Variants in INTS9 observed in about 807,000 individuals in gnomAD.
The protein encoded by INTS9 is protein related to CPSF subunits of 74 kDa.
In INTS9, 55 loss-of-function variants were observed where a neutral mutation model predicts 79.7. That is an observed-to-expected ratio of 0.69 (90% CI 0.56 to 0.86). The LOEUF is 0.86. INTS9 is among the 40% of genes least tolerant of loss of function. The probability of loss-of-function intolerance (pLI) is 0.00; values close to 1 mark genes in which losing one functional copy is unlikely to be tolerated. For synonymous variants in INTS9, 319 were observed against 325.2 expected (o/e 0.98, Z 0.20); for missense variants, 721 against 831.5 (o/e 0.87, Z 1.64).
At chr8:28,795,639 CAAAAAAAAAA>C (rs56910832) in intron 9 of INTS9, among the ~76,000 whole-genome samples, 1 of 70,806 alleles carries the variant, frequency 1.4e-5, no homozygotes, top group Non-Finnish European at 2.5e-5. Context: ...GACTCCGTCT[CAAAAAAAAAA>C]AAAAAAAAAA....
chr8:28,788,599 A>G (rs1483823151), intron 10 of INTS9, among the ~76,000 whole-genome samples: 5 of 152,138 alleles, frequency 3.3e-5, no homozygotes, highest in Non-Finnish European at 4.4e-5. Context: ...TTGTATTTTT[A>G]GTAGAGACGG....
intron 14 of INTS9, 61 bp from the exon 15 acceptor site, chr8:28,771,141 T>A (rs1193646003): frequency 8.7e-7 from 1 of 1,152,144 alleles, no homozygotes; most frequent in Non-Finnish European, 1.3e-6. Context: ...ACTCTTCCTT[T>A]AATCTGTATT....
intron 8 of INTS9, among the ~76,000 whole-genome samples, chr8:28,806,230 A>C (rs186292441): frequency 6.6e-6 from 1 of 152,284 alleles, no homozygotes; most frequent in Admixed American, 6.5e-5. Flanking sequence ...ACCTTGTCTC[A>C]AAAAAACAAA....
intron 10 of INTS9, among the ~76,000 whole-genome samples, chr8:28,788,684 G>A (rs1585354974): frequency 6.6e-6 from 1 of 152,194 alleles, no homozygotes; most frequent in Non-Finnish European, 1.5e-5. Flanking sequence ...CTCCCAAAGT[G>A]CTGAGATTAC....
At chr8:28,828,815 C>T (rs1427447237) in intron 6 of INTS9, among the ~76,000 whole-genome samples, 1 of 152,050 alleles carries the variant, frequency 6.6e-6, no homozygotes, top group Non-Finnish European at 1.5e-5. Flanking sequence ...TCTCCTGCCT[C>T]AGCTCCCACG....
chr8:28,846,993 AG>A (rs1286874992), intron 3 of INTS9, among the ~76,000 whole-genome samples, 184 bp from the exon 4 acceptor site: 23 of 152,322 alleles, frequency 1.5e-4, no homozygotes, highest in African/African-American at 5.5e-4. Flanking sequence ...TGTCTTATTA[AG>A]GGTAAAATGC....
At chr8:28,778,299 T>C (rs984614008) in intron 12 of INTS9, among the ~76,000 whole-genome samples, 7 of 152,230 alleles carry the variant, frequency 4.6e-5, no homozygotes, top group African/African-American at 1.4e-4. Flanking sequence ...TCATCACTTA[T>C]TCAGATGAAA....
At chr8:28,809,458 G>A (rs1466342304) in intron 8 of INTS9, among the ~76,000 whole-genome samples, 2 of 152,082 alleles carry the variant, frequency 1.3e-5, no homozygotes, top group African/African-American at 2.4e-5. Flanking sequence ...CCAATTACGT[G>A]GGTAGAGAAA....
intron 13 of INTS9, among the ~76,000 whole-genome samples, chr8:28,777,225 A>G (rs920078918): frequency 1.3e-5 from 2 of 152,100 alleles, no homozygotes; most frequent in South Asian, 4.1e-4. Flanking sequence ...CGCCGGTGTC[A>G]GCTGTCCTCC....
chr8:28,850,982 T>C (rs1053232598), intron 2 of INTS9, among the ~76,000 whole-genome samples: 2 of 152,244 alleles, frequency 1.3e-5, no homozygotes, highest in African/African-American at 4.8e-5. Context: ...TTTAACTGTG[T>C]TCTACTAGTT....
chr8:28,843,791 T>A (rs1343370514), intron 4 of INTS9, among the ~76,000 whole-genome samples: 2 of 152,100 alleles, frequency 1.3e-5, no homozygotes, highest in African/African-American at 2.4e-5. Flanking sequence ...TGGATTCATT[T>A]GTCTTGAAAT....
At chr8:28,826,157 ATTT>A (rs896495611) in intron 6 of INTS9, among the ~76,000 whole-genome samples, 2 of 152,170 alleles carry the variant, frequency 1.3e-5, no homozygotes, top group Admixed American at 6.5e-5. Context: ...TTTGTTTTGT[ATTT>A]TATTAATACC....
chr8:28,860,765 A>G (rs568163852), intron 1 of INTS9, among the ~76,000 whole-genome samples: 1 of 152,342 alleles, frequency 6.6e-6, no homozygotes, highest in Non-Finnish European at 1.5e-5. Context: ...TATAGGCGTG[A>G]GCCATGGCGC....
intron 6 of INTS9, among the ~76,000 whole-genome samples, chr8:28,826,119 TAGA>T (rs1806126412): frequency 6.6e-6 from 1 of 152,250 alleles, no homozygotes; most frequent in African/African-American, 2.4e-5. Flanking sequence ...ACACTGTATT[TAGA>T]AGAACAGTCT....
In INTS9 at chr8:28,837,730, T is replaced by A; in HGVS notation, c.308A>T (p.Asn103Ile). Residue 103 changes from asparagine to isoleucine, a missense_variant, in exon 5 of 17, where the codon AAC becomes ATC. By Grantham distance (149) the Asn-to-Ile change is moderately radical (BLOSUM62 -3). Around this residue, in one of 3 missense-constraint regions of INTS9, gnomAD observed 291 missense variants for 307.0 expected, o/e 0.95. Coordinates refer to ENST00000521022, the MANE Select transcript of INTS9 (RefSeq NM_018250.4). ...LSTVDVILIS[N>I]YHCMMALPYI... The stretch of plus-strand genomic sequence containing the variant: ...TGGCAGCGCCATCATACAGTGATAG[T>A]TAGAGATGAGAATCACATCTACTGT... 3 of 1,613,972 alleles carry A rather than the reference T, an allele frequency of 1.9e-6. No homozygotes were observed. Among genetic ancestry groups the A allele is most frequent in the Non-Finnish European group, 1.7e-6 (2 of 1,179,886 alleles).
At chr8:28,770,561 C>G (rs1000287588) in intron 15 of INTS9, among the ~76,000 whole-genome samples, 5 of 152,368 alleles carry the variant, frequency 3.3e-5, no homozygotes, top group African/African-American at 1.2e-4. Flanking sequence ...CTACATGTGG[C>G]ATAAAGGTGA....
intron 7 of INTS9, 150 bp downstream of exon 7, chr8:28,813,342 T>A: frequency 1.3e-6 from 1 of 767,798 alleles, no homozygotes; most frequent in East Asian, 2.6e-5. Flanking sequence ...ACCAATAAAA[T>A]CCTGCGCGGA....
At chr8:28,867,937 G>A (rs1206386907) in intron 1 of INTS9, among the ~76,000 whole-genome samples, 1 of 152,110 alleles carries the variant, frequency 6.6e-6, no homozygotes, top group Non-Finnish European at 1.5e-5. Context: ...AAAAAAATGA[G>A]GCATAGGAAG....
intron 6 of INTS9, among the ~76,000 whole-genome samples, chr8:28,818,590 C>G (rs1465857090): frequency 2.0e-5 from 3 of 151,570 alleles, no homozygotes; most frequent in Admixed American, 1.3e-4. Context: ...CAATGTTCAT[C>G]AAGGATATTG....
Sources: gnomAD v4.1 joint callset for allele counts (sites outside exome capture counted in the v4.1 genomes callset) on GRCh38, gnomAD v4.1.1 for gene constraint, gnomAD v4.1.1 regional missense constraint, MANE v1.5 for transcripts, NCBI Gene and HGNC (gene_info 2026-07-23, HGNC 2026-07-21) for gene names.